The following LRRC37A2 variants were observed in gnomAD, a reference collection of about 807,000 sequenced individuals.
The protein encoded by LRRC37A2 is leucine rich repeat containing 37 member A2, also known as leucine-rich repeat-containing protein 37A2.
Under a neutral mutation model 68.8 loss-of-function variants are expected in LRRC37A2, and 9 were observed. The observed-to-expected ratio is 0.13, with a 90% confidence interval of 0.08 to 0.23. The LOEUF (loss-of-function observed/expected upper bound fraction) is 0.23. Among genes scored for constraint, LRRC37A2 ranks in the 10% least tolerant of loss-of-function variants. The probability of loss-of-function intolerance (pLI) is 1.00; values close to 1 mark genes in which losing one functional copy is unlikely to be tolerated. For missense variants in LRRC37A2, 168 were observed against 950.4 expected, an observed-to-expected ratio of 0.18 and a Z score of 10.82; for synonymous variants, 63 against 367.6, an observed-to-expected ratio of 0.17 and a Z score of 9.48.
the LRRC37A2 span, among the ~76,000 whole-genome samples, chr17:46,784,771 G>T: frequency 1.7e-5 from 2 of 119,976 alleles, no homozygotes; most frequent in Non-Finnish European, 3.2e-5. Flanking sequence ...TCCCCTTTTT[G>T]CTTTTCTTTT....
the LRRC37A2 span, among the ~76,000 whole-genome samples, chr17:46,951,156 G>A: frequency 6.6e-6 from 1 of 152,178 alleles, no homozygotes; most frequent in Admixed American, 6.5e-5. Context: ...GACAGAAACT[G>A]GCACACGCAC....
the LRRC37A2 span, among the ~76,000 whole-genome samples, chr17:46,842,052 A>AC: frequency 6.6e-6 from 1 of 151,956 alleles, no homozygotes; most frequent in African/African-American, 2.4e-5. Flanking sequence ...TGGCCTGGGG[A>AC]CCCGGGAGGC....
At chr17:46,939,138 C>A in the LRRC37A2 span, 1 of 1,124,008 alleles carries the variant, frequency 8.9e-7, no homozygotes, top group East Asian at 6.0e-5. Flanking sequence ...CACCTTGTCA[C>A]CATCAGGCCT....
intron 8 of LRRC37A2, among the ~76,000 whole-genome samples, chr17:46,543,663 A>G (rs948234140): frequency 2.0e-5 from 3 of 150,930 alleles, no homozygotes; most frequent in Non-Finnish European, 4.4e-5. Flanking sequence ...CAGAAAATGT[A>G]TAGACATACA....
chr17:46,966,654 T>C, the LRRC37A2 span: 1 of 593,498 alleles, frequency 1.7e-6, no homozygotes, highest in Non-Finnish European at 3.1e-6. Context: ...GACCTCCAAA[T>C]ACCTTTTGAA....
At chr17:47,048,121 C>G in the LRRC37A2 span, among the ~76,000 whole-genome samples, 2,664 of 147,436 alleles carry the variant, frequency 0.018, 63 homozygotes, top group African/African-American at 0.06. Flanking sequence ...TTGTTAACCT[C>G]CTTTTACAGA....
chr17:46,534,197 G>GTTTTTGTT (rs372927296), intron 6 of LRRC37A2, among the ~76,000 whole-genome samples: 17 of 148,734 alleles, frequency 1.1e-4, no homozygotes, highest in South Asian at 2.1e-4. Context: ...TTTTGTTTTT[G>GTTTTTGTT]TTTTTTTTAA....
At chr17:46,852,806 G>C in the LRRC37A2 span, among the ~76,000 whole-genome samples, 1 of 152,146 alleles carries the variant, frequency 6.6e-6, no homozygotes, top group African/African-American at 2.4e-5. Context: ...CCTGCTAGAG[G>C]CTGCTTTGAA....
chr17:46,838,837 C>T, the LRRC37A2 span, among the ~76,000 whole-genome samples: 2 of 152,016 alleles, frequency 1.3e-5, no homozygotes, highest in Non-Finnish European at 2.9e-5. Flanking sequence ...GATTACTCAC[C>T]ATATAAAATG....
the LRRC37A2 span, among the ~76,000 whole-genome samples, chr17:46,392,422 TTTCTTTCTC>T: frequency 5.6e-4 from 29 of 51,918 alleles, 1 homozygote; most frequent in South Asian, 1.3e-3. Context: ...TCTCTCTCTC[TTTCTTTCTC>T]TCTTTCTTTC....
the LRRC37A2 span, chr17:47,017,692 T>C: frequency 8.7e-6 from 14 of 1,611,026 alleles, no homozygotes; most frequent in African/African-American, 1.3e-4. Context: ...ATTGGAATTA[T>C]ACGCCAATTA....
the LRRC37A2 span, among the ~76,000 whole-genome samples, chr17:46,835,476 G>A: frequency 6.6e-6 from 1 of 152,292 alleles, no homozygotes; most frequent in Middle Eastern, 3.4e-3. Context: ...CTCTCAAAGT[G>A]CTGGGATTAC....
the LRRC37A2 span, among the ~76,000 whole-genome samples, chr17:46,802,693 C>G: frequency 6.6e-6 from 1 of 152,276 alleles, no homozygotes; most frequent in East Asian, 1.9e-4. Flanking sequence ...TGGAATGAAG[C>G]CCCCATACAA....
the LRRC37A2 span, among the ~76,000 whole-genome samples, chr17:47,000,081 T>TAAAATAAAATAAAATAAAAATAA: frequency 2.0e-4 from 3 of 15,310 alleles, no homozygotes; most frequent in Non-Finnish European, 2.9e-4. Context: ...AAATAAAAAA[T>TAAAATAAAATAAAATAAAAATAA]AAAATAAAAT....
the LRRC37A2 span, among the ~76,000 whole-genome samples, chr17:46,835,668 C>G: frequency 6.6e-6 from 1 of 152,246 alleles, no homozygotes; most frequent in African/African-American, 2.4e-5. Context: ...TCAGCAGTTG[C>G]CAAGATTTGT....
chr17:46,792,103 C>G, the LRRC37A2 span, among the ~76,000 whole-genome samples: 3 of 152,162 alleles, frequency 2.0e-5, no homozygotes, highest in Admixed American at 6.5e-5. Flanking sequence ...CATTTAAAGT[C>G]AAAAAATTCT....
the LRRC37A2 span, among the ~76,000 whole-genome samples, chr17:46,733,590 T>C: frequency 6.6e-6 from 1 of 152,218 alleles, no homozygotes; most frequent in African/African-American, 2.4e-5. Flanking sequence ...CCAACCTTTT[T>C]AGATTATGGT....
At chr17:46,529,449 C>A (rs1485065329) in intron 6 of LRRC37A2, among the ~76,000 whole-genome samples, 1 of 107,322 alleles carries the variant, frequency 9.3e-6, no homozygotes, top group South Asian at 3.0e-4. Context: ...GTCAGTGCAC[C>A]TTAGTTTAAT....
At chr17:46,389,123 A>G in the LRRC37A2 span, among the ~76,000 whole-genome samples, 2 of 140,004 alleles carry the variant, frequency 1.4e-5, no homozygotes, top group East Asian at 4.1e-4. Context: ...TGAACCCAGG[A>G]GGCGGAGATT....
Sources: gnomAD v4.1 joint callset for allele counts (sites outside exome capture counted in the v4.1 genomes callset) on GRCh38, gnomAD v4.1.1 for gene constraint, MANE v1.5 for transcripts, NCBI Gene and HGNC (gene_info 2026-07-23, HGNC 2026-07-21) for gene names.